The following ZNF804B variants were observed in gnomAD, a reference collection of about 807,000 sequenced individuals.
ZNF804B encodes zinc finger 804B.
Under a neutral mutation model 101.4 loss-of-function variants are expected in ZNF804B, and 80 were observed. The ratio of observed to expected loss-of-function variants is 0.79; its 90% CI spans 0.66 to 0.95. ZNF804B has a LOEUF of 0.95. ZNF804B is among the 40% of genes least tolerant of loss of function. ZNF804B has a pLI of 0.00. For synonymous variants in ZNF804B, 622 were observed against 558.8 expected (o/e 1.11, Z -1.59); for missense variants, 1,673 against 1,561.9 (o/e 1.07, Z -1.20).
chr7:89,193,335 A>G lies in ZNF804B; in HGVS notation c.109-24820A>G, dbSNP rs192726955. Among the ~76,000 whole-genome samples, 5 of 147,140 alleles carry G rather than the reference A, an allele frequency of 3.4e-5. No homozygotes were observed. In the South Asian group the frequency reaches 8.9e-4, roughly 26 times the overall value. Reference sequence around the variant, plus strand: ...TTTTTTATTCGTATTATTATACTTTAAGTTTTAGGGTACGTGTGCACAATG... The same window carrying G: ...TTTTTTATTCGTATTATTATACTTTGAGTTTTAGGGTACGTGTGCACAATG... On this transcript the variant is annotated intron_variant, in intron 1 of 3. Coordinates refer to ENST00000333190, the MANE Select transcript of ZNF804B (RefSeq NM_181646.5).
intron 1 of ZNF804B, among the ~76,000 whole-genome samples, chr7:88,805,757 T>A (rs1328626768): frequency 6.6e-6 from 1 of 152,124 alleles, no homozygotes. Context: ...CTGTCCTCCA[T>A]CATCATCATG....
intron 1 of ZNF804B, among the ~76,000 whole-genome samples, chr7:89,108,133 G>A (rs1326380944): frequency 6.6e-6 from 1 of 151,952 alleles, no homozygotes; most frequent in Non-Finnish European, 1.5e-5. Flanking sequence ...GGACATGTAG[G>A]CAAAAACAAC....
chr7:89,299,462 C>T (rs972516729), intron 2 of ZNF804B, among the ~76,000 whole-genome samples: 2 of 151,904 alleles, frequency 1.3e-5, no homozygotes, highest in Non-Finnish European at 2.9e-5. Flanking sequence ...GCTTTTTTCT[C>T]CTCTCTAGGA....
At chr7:88,961,803 G>A (rs1793388899) in intron 1 of ZNF804B, among the ~76,000 whole-genome samples, 1 of 151,348 alleles carries the variant, frequency 6.6e-6, no homozygotes, top group South Asian at 2.1e-4. Flanking sequence ...ACCAGAGGAT[G>A]AAAGGGAAAG....
intron 1 of ZNF804B, among the ~76,000 whole-genome samples, chr7:88,778,803 T>A (rs548995267): frequency 1.3e-5 from 2 of 152,204 alleles, no homozygotes; most frequent in Non-Finnish European, 2.9e-5. Context: ...CCTAGCATTG[T>A]ACTAGCTGGT....
At position 89,091,801 on chromosome 7, in the gene ZNF804B, A is replaced by G. The variant is rs73216672; in HGVS notation, c.109-126354A>G. On this transcript the variant is annotated intron_variant, in intron 1 of 3. Transcript: ENST00000333190. ...GGGGTTTTGGTGAATGAGTGATACT[A>G]TGAGTTTCAGAGGTTTTCTTCTCTC... Among the ~76,000 whole-genome samples the G allele has an allele frequency of 4.9e-3, 742 of 152,276 alleles. 4 individuals carry two copies. The highest frequency in any genetic ancestry group is 9.5e-3 in the Admixed American group (145 of 15,280).
At chr7:89,264,763 A>G (rs1435615985) in intron 2 of ZNF804B, among the ~76,000 whole-genome samples, 1 of 152,190 alleles carries the variant, frequency 6.6e-6, no homozygotes, top group African/African-American at 2.4e-5. Context: ...CTCATAATTT[A>G]GAACTCACTT....
intron 2 of ZNF804B, among the ~76,000 whole-genome samples, chr7:89,315,428 A>G (rs1284208885): frequency 1.3e-5 from 2 of 152,226 alleles, no homozygotes; most frequent in Non-Finnish European, 2.9e-5. Flanking sequence ...TTATCTATAA[A>G]TTATACCTCT....
At chr7:88,960,492 A>G (rs1793373034) in intron 1 of ZNF804B, among the ~76,000 whole-genome samples, 1 of 151,250 alleles carries the variant, frequency 6.6e-6, no homozygotes, top group South Asian at 2.1e-4. Flanking sequence ...AGGGAGGAAT[A>G]AGAGAAGGTA....
chr7:89,298,126 AATAT>A (rs58674861), intron 2 of ZNF804B, among the ~76,000 whole-genome samples: 9 of 120,260 alleles, frequency 7.5e-5, no homozygotes, highest in South Asian at 2.6e-4. Context: ...ATTTCATATA[AATAT>A]ATATATATAT....
At chr7:89,255,427 T>C (rs755598811) in intron 2 of ZNF804B, among the ~76,000 whole-genome samples, 1 of 152,016 alleles carries the variant, frequency 6.6e-6, no homozygotes, top group African/African-American at 2.4e-5. Context: ...AGTAAAAAAA[T>C]GGGACAAAAT....
chr7:89,277,330 T>C (rs1348406610), intron 2 of ZNF804B, among the ~76,000 whole-genome samples: 1 of 149,120 alleles, frequency 6.7e-6, no homozygotes, highest in Non-Finnish European at 1.5e-5. Context: ...TTTTTTTTTC[T>C]TTTTTTTATT....
At chr7:88,973,256 C>A (rs556292717) in intron 1 of ZNF804B, among the ~76,000 whole-genome samples, 1 of 150,528 alleles carries the variant, frequency 6.6e-6, no homozygotes, top group East Asian at 2.0e-4. Flanking sequence ...GCTATTGTCT[C>A]TGGGGAGAAA....
chr7:88,888,340 C>T (rs1027381000), intron 1 of ZNF804B, among the ~76,000 whole-genome samples: 1 of 151,912 alleles, frequency 6.6e-6, no homozygotes, highest in Non-Finnish European at 1.5e-5. Flanking sequence ...TGCAGTGAGC[C>T]GAGACCATGG....
chr7:89,064,001 C>T (rs1789414997), intron 1 of ZNF804B, among the ~76,000 whole-genome samples: 2 of 152,054 alleles, frequency 1.3e-5, no homozygotes, highest in Admixed American at 6.6e-5. Flanking sequence ...GTGGTTGTGT[C>T]AGTGAAGCAG....
intron 1 of ZNF804B, among the ~76,000 whole-genome samples, chr7:88,920,230 G>C (rs193042818): frequency 6.6e-6 from 1 of 152,014 alleles, no homozygotes; most frequent in South Asian, 2.1e-4. Context: ...CTATGCAATT[G>C]TGTTGTTATT....
chr7:89,159,495 T>C (rs1379889041), intron 1 of ZNF804B, among the ~76,000 whole-genome samples: 2 of 152,132 alleles, frequency 1.3e-5, no homozygotes, highest in East Asian at 1.9e-4. Context: ...GATTAAATGC[T>C]ACAGAGAAGA....
At chr7:88,815,879 C>T (rs897697651) in intron 1 of ZNF804B, among the ~76,000 whole-genome samples, 3 of 152,016 alleles carry the variant, frequency 2.0e-5, no homozygotes, top group African/African-American at 7.2e-5. Flanking sequence ...ATTCACATAG[C>T]CCTCTTTACC....
chr7:89,190,711 C>T (rs1251388861), intron 1 of ZNF804B, among the ~76,000 whole-genome samples: 1 of 152,110 alleles, frequency 6.6e-6, no homozygotes, highest in African/African-American at 2.4e-5. Context: ...GTATTATTAT[C>T]TAATTTTAAG....
Sources: allele counts gnomAD v4.1 joint callset (sites outside exome capture counted in the v4.1 genomes callset), GRCh38; gene constraint gnomAD v4.1.1; transcripts MANE v1.5; gene names NCBI Gene and HGNC (gene_info 2026-07-23, HGNC 2026-07-21).